Variants in ERC2 observed in about 807,000 individuals in gnomAD.
ERC2 encodes the protein ELKS/RAB6-interacting/CAST family member 2.
Under a neutral mutation model 114.8 loss-of-function variants are expected in ERC2, and 42 were observed. The ratio of observed to expected loss-of-function variants is 0.37; its 90% CI spans 0.29 to 0.47. ERC2 has a LOEUF of 0.47. Among genes scored for constraint, ERC2 ranks in the 20% least tolerant of loss-of-function variants. The pLI is 0.99. For synonymous variants in ERC2, 454 were observed against 425.5 expected, an observed-to-expected ratio of 1.07 and a Z score of -0.82; for missense variants, 939 against 1,150.7, an observed-to-expected ratio of 0.82 and a Z score of 2.66.
At chr3:55,539,720 C>T (rs2107331885) in intron 17 of ERC2, among the ~76,000 whole-genome samples, 1 of 151,958 alleles carries the variant, frequency 6.6e-6, no homozygotes, top group East Asian at 1.9e-4. Context: ...AGCCACTGCG[C>T]CCCACCCTAA....
chr3:55,960,497 G>C (rs1223337614), intron 12 of ERC2, among the ~76,000 whole-genome samples: 1 of 152,144 alleles, frequency 6.6e-6, no homozygotes, highest in Non-Finnish European at 1.5e-5. Context: ...TCAAATGCAA[G>C]GATGCCCCTC....
intron 13 of ERC2, among the ~76,000 whole-genome samples, chr3:55,904,934 C>A (rs2149351836): frequency 6.6e-6 from 1 of 152,338 alleles, no homozygotes; most frequent in African/African-American, 2.4e-5. Flanking sequence ...GGCAACAGAG[C>A]TGACCTTTTA....
At chr3:56,066,812 TC>T (rs1432657227) in intron 7 of ERC2, among the ~76,000 whole-genome samples, 1 of 152,216 alleles carries the variant, frequency 6.6e-6, no homozygotes, top group Non-Finnish European at 1.5e-5. Context: ...AGGAATCTTT[TC>T]CCCATTGCTT....
At chr3:56,106,633 A>C (rs2078679904) in intron 6 of ERC2, among the ~76,000 whole-genome samples, 1 of 152,118 alleles carries the variant, frequency 6.6e-6, no homozygotes, top group Non-Finnish European at 1.5e-5. Flanking sequence ...ATGCTGAAAA[A>C]ATGGAGAGCA....
At chr3:55,961,552 T>C (rs1009050465) in intron 12 of ERC2, among the ~76,000 whole-genome samples, 1 of 152,172 alleles carries the variant, frequency 6.6e-6, no homozygotes, top group African/African-American at 2.4e-5. Context: ...TCTTGTCTTC[T>C]CTACACTAAG....
intron 3 of ERC2, among the ~76,000 whole-genome samples, chr3:56,285,005 TCTCTCTCA>T (rs1463921377): frequency 4.5e-5 from 5 of 110,562 alleles, no homozygotes; most frequent in Admixed American, 1.1e-4. Flanking sequence ...TCTCTCTCTC[TCTCTCTCA>T]CACACACACA....
At chr3:55,926,675 C>T (rs2065772363) in intron 13 of ERC2, among the ~76,000 whole-genome samples, 1 of 152,158 alleles carries the variant, frequency 6.6e-6, no homozygotes, top group South Asian at 2.1e-4. Context: ...TCTGTCTCTA[C>T]ATCTGAAAAA....
intron 14 of ERC2, among the ~76,000 whole-genome samples, chr3:55,762,465 C>T (rs1240877051): frequency 6.6e-6 from 1 of 152,184 alleles, no homozygotes; most frequent in African/African-American, 2.4e-5. Flanking sequence ...CCACAACAGA[C>T]ACACAAATGA....
At chr3:56,053,754 C>T (rs1354640298) in intron 7 of ERC2, among the ~76,000 whole-genome samples, 3 of 152,098 alleles carry the variant, frequency 2.0e-5, no homozygotes, top group Non-Finnish European at 4.4e-5. Context: ...AATTATAAGT[C>T]CCCTTCGCAA....
At chr3:55,586,041 T>C (rs2057581971) in intron 17 of ERC2, among the ~76,000 whole-genome samples, 1 of 152,154 alleles carries the variant, frequency 6.6e-6, no homozygotes, top group Non-Finnish European at 1.5e-5. Flanking sequence ...CAGGGCTTCC[T>C]GGAGAAGAGC....
chr3:55,996,194 G>A (rs2071496264), intron 10 of ERC2, among the ~76,000 whole-genome samples: 1 of 152,136 alleles, frequency 6.6e-6, no homozygotes, highest in Non-Finnish European at 1.5e-5. Context: ...TCCCCAACAA[G>A]GTCTGGGAAG....
chr3:56,266,306 A>T (rs566914354), intron 3 of ERC2, among the ~76,000 whole-genome samples: 1 of 151,260 alleles, frequency 6.6e-6, no homozygotes, highest in South Asian at 2.1e-4. Flanking sequence ...AATTTTTTGT[A>T]TTTTTAGTAG....
intron 6 of ERC2, among the ~76,000 whole-genome samples, chr3:56,121,853 A>T (rs2079597969): frequency 6.6e-6 from 1 of 152,132 alleles, no homozygotes; most frequent in Non-Finnish European, 1.5e-5. Flanking sequence ...CGTGCCCAGG[A>T]GTTTCAATTC....
chr3:55,558,941 G>A (rs2055815248), intron 17 of ERC2, among the ~76,000 whole-genome samples: 1 of 152,210 alleles, frequency 6.6e-6, no homozygotes, highest in African/African-American at 2.4e-5. Flanking sequence ...AGTTTGCAGG[G>A]AGGCATTAGT....
At chr3:56,000,675 A>G (rs1212712560) in intron 10 of ERC2, among the ~76,000 whole-genome samples, 1 of 152,148 alleles carries the variant, frequency 6.6e-6, no homozygotes, top group African/African-American at 2.4e-5. Flanking sequence ...GGCCATTTTT[A>G]ATCAGTGCTG....
At position 55,523,063 on chromosome 3, in the gene ERC2, T is replaced by G. The variant is rs114779674; in HGVS notation, c.*40-11787A>C. Among the ~76,000 whole-genome samples, 1,318 of 152,352 alleles carry G rather than the reference T, an allele frequency of 8.7e-3. 21 individuals carry two copies. The highest frequency in any genetic ancestry group is 0.03 in the African/African-American group (1,267 of 41,588). On this transcript the variant is annotated intron_variant, in intron 17 of 17. Transcript: ENST00000288221. ...CTAAGACTGGGTTGGCATCCAGGAC[T>G]GAAGGCTAGGAAATGCCTTTGGGCA... is the stretch of plus-strand genomic sequence containing the variant.
intron 12 of ERC2, among the ~76,000 whole-genome samples, chr3:55,978,442 G>A (rs1266370354): frequency 6.6e-6 from 1 of 152,186 alleles, no homozygotes; most frequent in African/African-American, 2.4e-5. Context: ...TGGCTTGGGA[G>A]AAAATGTCTA....
chr3:55,917,964 G>C (rs1340443520), intron 13 of ERC2, among the ~76,000 whole-genome samples: 7 of 151,946 alleles, frequency 4.6e-5, no homozygotes, highest in Admixed American at 4.6e-4. Flanking sequence ...TGCTCTAACA[G>C]AGAAACACTG....
At chr3:56,231,494 C>T (rs2050614644) in intron 3 of ERC2, among the ~76,000 whole-genome samples, 1 of 152,218 alleles carries the variant, frequency 6.6e-6, no homozygotes, top group Non-Finnish European at 1.5e-5. Context: ...TTCCCTCAAC[C>T]AACTATGCAT....
Sources: gnomAD v4.1 joint callset for allele counts (sites outside exome capture counted in the v4.1 genomes callset) on GRCh38, gnomAD v4.1.1 for gene constraint, MANE v1.5 for transcripts, NCBI Gene and HGNC (gene_info 2026-07-23, HGNC 2026-07-21) for gene names.